EDARADD: variants seen among roughly 807,000 people sequenced by gnomAD.
The protein encoded by EDARADD is EDAR associated via death domain.
Under a neutral mutation model 25.6 loss-of-function variants are expected in EDARADD, and 20 were observed. The ratio of observed to expected loss-of-function variants is 0.78; its 90% CI spans 0.55 to 1.14. The LOEUF is 1.14. Ranked by LOEUF, EDARADD falls within the 50% of genes most tolerant of loss-of-function variation. EDARADD has a pLI of 0.00. For synonymous variants in EDARADD, 86 were observed against 94.4 expected, an observed-to-expected ratio of 0.91 and a Z score of 0.52; for missense variants, 225 against 270.1, an observed-to-expected ratio of 0.83 and a Z score of 1.17.
chr1:236,419,985 C>T (rs141917880), intron 3 of EDARADD, among the ~76,000 whole-genome samples: 96 of 152,200 alleles, frequency 6.3e-4, no homozygotes, highest in Middle Eastern at 3.4e-3. Flanking sequence ...CCAGACCAGC[C>T]TGGTCAACAT....
At chr1:236,355,500 CTTTTTTTT>C (rs563976436) in intron 3 of EDARADD, among the ~76,000 whole-genome samples, 854 of 73,196 alleles carry the variant, frequency 0.012, 12 homozygotes, top group African/African-American at 0.042. Context: ...GCTTCTTCTT[CTTTTTTTT>C]TTTTTTTTTT....
intron 4 of EDARADD, among the ~76,000 whole-genome samples, chr1:236,434,645 A>G (rs1658194119): frequency 6.6e-6 from 1 of 152,078 alleles, no homozygotes; most frequent in Admixed American, 6.5e-5. Context: ...GGAAGCCCAA[A>G]TATTGGACAC....
In EDARADD at chr1:236,482,595, G is replaced by A; in HGVS notation, c.594G>A (p.Trp198Ter). Residue 198 changes from tryptophan (W) to a stop codon, truncating the protein, a stop_gained, in exon 6 of 6, where the codon TGG becomes TGA. Transcript: ENST00000334232. LOFTEE classifies it high-confidence loss of function. ...ACGTGGAGAAGGTTCTGCGCAGGTG[G>A]GTGGACGAGGAGTGGCCCAAGCGGG... ...RADVEKVLRRWVDEEWPKRER... is the reference protein window; with the variant it reads ...RADVEKVLRR 1 of 1,612,842 alleles carries A rather than the reference G, an allele frequency of 6.2e-7. No homozygotes were observed. Among genetic ancestry groups the A allele is most frequent in the Non-Finnish European group, 8.5e-7 (1 of 1,180,038 alleles).
chr1:236,418,188 C>T (rs1231363695), intron 3 of EDARADD, among the ~76,000 whole-genome samples: 1 of 151,848 alleles, frequency 6.6e-6, no homozygotes, highest in Admixed American at 6.6e-5. Context: ...CTCCTGACTT[C>T]ATGATCCACC....
rs373803582 is a variant in EDARADD at position 236,369,401 on chromosome 1, T to C, written c.-6+18562T>C. ...TCATCTTTTCTTTTATTGTTTTCCT[T>C]ATACAGATTGCAGAGGCCAAAGCAA... On this transcript the variant is annotated intron_variant, in intron 3 of 7. Transcript: ENST00000439430. 1.1e-3 allele frequency among the ~76,000 whole-genome samples: 173 copies of C among 152,342 alleles called. No individual in the cohort carries two copies. In the South Asian group the frequency reaches 0.016, roughly 14 times the overall value.
At position 236,484,135 on chromosome 1, in the gene EDARADD, AC is replaced by A; in HGVS notation, c.*1489del. The A allele has an allele frequency of 6.9e-7, 1 of 1,456,730 alleles. No individual in the cohort carries two copies. The highest frequency in any genetic ancestry group is 1.1e-5 in the South Asian group (1 of 87,950). The allele number at this position is 1,456,730 out of a possible 1,614,324, so 90.2% of individuals were successfully genotyped here. A position where few individuals can be genotyped will look rare whatever the true frequency, so the allele number is the denominator to read the frequency against. On this transcript the variant is annotated 3_prime_UTR_variant, in exon 6 of 6. Transcript: ENST00000334232. The surrounding 1 kb of genome is among the most constrained non-coding windows in gnomAD (Gnocchi z 4.1). ...GTGGAGGATGATCTCAGAGTGACCA[AC>A]CCAAAGAGGACAGCCTCGGCCGTGA...
intron 3 of EDARADD, among the ~76,000 whole-genome samples, chr1:236,371,536 T>C (rs1325655443): frequency 6.6e-6 from 1 of 152,128 alleles, no homozygotes; most frequent in East Asian, 1.9e-4. Context: ...AGTTTCTCAC[T>C]ATTAATGGAT....
rs141093334 is a variant in EDARADD, at chr1:236,379,497, G to A, written c.-6+28658G>A. On this transcript the variant is annotated intron_variant, in intron 3 of 7. Transcript: ENST00000439430. ...AGGCAGTTCTAAAATTCAGGGTCAG[G>A]GCCAGGTGCAATGGCTCACGCTTGT... Among the ~76,000 whole-genome samples the A allele has an allele frequency of 1.7e-4, 26 of 151,458 alleles. 1 individual carries two copies. Among genetic ancestry groups the A allele is most frequent in the African/African-American group, 6.1e-4 (25 of 41,314 alleles).
At chr1:236,391,776 T>G (rs1237324187), upstream of EDARADD, among the ~76,000 whole-genome samples, 2 of 152,204 alleles carry the variant, frequency 1.3e-5, no homozygotes, top group Non-Finnish European at 2.9e-5. Context: ...TTTCCCCCAT[T>G]TAAAACAGCA....
At chr1:236,382,967 T>A (rs1418761939) in intron 3 of EDARADD, among the ~76,000 whole-genome samples, 1 of 152,154 alleles carries the variant, frequency 6.6e-6, no homozygotes, top group Non-Finnish European at 1.5e-5. Flanking sequence ...CTCTGGGAAG[T>A]CTTTACCCTA....
chr1:236,358,138 T>A (rs1006621628), intron 3 of EDARADD, among the ~76,000 whole-genome samples: 1 of 152,210 alleles, frequency 6.6e-6, no homozygotes, highest in African/African-American at 2.4e-5. Flanking sequence ...CCCAAAGTGC[T>A]AGGATTACAG....
At chr1:236,451,302 A>C (rs1288370146) in intron 4 of EDARADD, among the ~76,000 whole-genome samples, 5 of 152,206 alleles carry the variant, frequency 3.3e-5, no homozygotes, top group African/African-American at 1.2e-4. Context: ...TAAAATGGAC[A>C]TCTTAATACT....
chr1:236,368,370 A>T (rs962082435), intron 3 of EDARADD, among the ~76,000 whole-genome samples: 2 of 151,814 alleles, frequency 1.3e-5, no homozygotes, highest in Non-Finnish European at 2.9e-5. Context: ...TTCTCATTGT[A>T]TAACCATTCA....
intron 2 of EDARADD, among the ~76,000 whole-genome samples, chr1:236,350,350 C>G (rs1666902199): frequency 1.3e-5 from 2 of 152,112 alleles, no homozygotes; most frequent in African/African-American, 4.8e-5. Context: ...AGGGCATATC[C>G]CTTAGATAGG....
chr1:236,363,611 C>G, intron 3 of EDARADD, among the ~76,000 whole-genome samples: 1 of 151,908 alleles, frequency 6.6e-6, no homozygotes, highest in East Asian at 2.0e-4. Context: ...AAGACGGGGT[C>G]TTGAACTCCT....
At chr1:236,447,251 C>CCTTTCTTT (rs56930680) in intron 4 of EDARADD, among the ~76,000 whole-genome samples, 5 of 61,202 alleles carry the variant, frequency 8.2e-5, no homozygotes, top group African/African-American at 9.4e-5. Flanking sequence ...TCCTTTCTTT[C>CCTTTCTTT]CTTTCTTTCT....
rs539238531 is a variant in EDARADD, at chr1:236,419,630, G to T, written c.160+5331G>T. 6.6e-5 allele frequency among the ~76,000 whole-genome samples: 10 copies of T among 152,242 alleles called. No homozygotes were observed. In the South Asian group the frequency reaches 1.5e-3, roughly 22 times the overall value. ...CTGGAGATTCCAACTAAGGCGGTCT[G>T]GGGGAGAGCTCAGCACTCTGACTGA... is the stretch of plus-strand genomic sequence containing the variant. On this transcript the variant is annotated intron_variant, in intron 3 of 5. Transcript: ENST00000334232.
At chr1:236,359,816 A>G (rs1667025405) in intron 3 of EDARADD, among the ~76,000 whole-genome samples, 1 of 152,218 alleles carries the variant, frequency 6.6e-6, no homozygotes, top group African/African-American at 2.4e-5. Flanking sequence ...GGTCCCTCCC[A>G]CAACACATGG....
intron 1 of EDARADD, among the ~76,000 whole-genome samples, chr1:236,401,434 G>A (rs911689402): frequency 6.6e-6 from 1 of 152,152 alleles, no homozygotes; most frequent in African/African-American, 2.4e-5. Context: ...AGCATTCACC[G>A]CTATCTGATG....
Sources: gnomAD v4.1 joint callset for allele counts (sites outside exome capture counted in the v4.1 genomes callset) on GRCh38, gnomAD v4.1.1 for gene constraint, Gnocchi (gnomAD v3.1) non-coding constraint, MANE v1.5 for transcripts, NCBI Gene and HGNC (gene_info 2026-07-23, HGNC 2026-07-21) for gene names.